DHX57: variants seen among roughly 807,000 people sequenced by gnomAD.
DHX57 encodes the protein DExH-box helicase 57.
A neutral mutation model predicts 156.2 loss-of-function variants in DHX57; 105 were observed. The ratio of observed to expected loss-of-function variants is 0.67; its 90% CI spans 0.57 to 0.79. The LOEUF (loss-of-function observed/expected upper bound fraction) is 0.79. Ranked by LOEUF, DHX57 falls within the 30% of genes least tolerant of loss-of-function variation. The pLI, the probability that DHX57 is intolerant of heterozygous loss-of-function variation, is 0.00. For missense variants in DHX57, 1,847 were observed against 1,661.9 expected (o/e 1.11, Z -1.94); for synonymous variants, 704 against 595.6 (o/e 1.18, Z -2.65).
intron 21 of DHX57, chr2:38,811,333 C>A (rs1670235185): frequency 7.6e-6 from 4 of 526,128 alleles, no homozygotes; most frequent in Middle Eastern, 5.7e-4. Flanking sequence ...CACTGTGGGA[C>A]ACATACTTTG....
At chr2:38,865,537 C>T (rs757855086) in intron 2 of DHX57, among the ~76,000 whole-genome samples, 5 of 152,120 alleles carry the variant, frequency 3.3e-5, no homozygotes, top group African/African-American at 7.2e-5. Flanking sequence ...CTTATAGCAG[C>T]GTGAGAATGG....
At chr2:38,864,245 TAA>T (rs146547256) in intron 2 of DHX57, among the ~76,000 whole-genome samples, 220 of 132,868 alleles carry the variant, frequency 1.7e-3, no homozygotes, top group Admixed American at 2.1e-3. Context: ...TTCTGATTAT[TAA>T]AAAAAAAAAA....
At chr2:38,867,575 T>C (rs575723550) in intron 2 of DHX57, among the ~76,000 whole-genome samples, 19 of 152,178 alleles carry the variant, frequency 1.2e-4, no homozygotes, top group Non-Finnish European at 2.6e-4. Flanking sequence ...TGTTTGTTTT[T>C]TGAGATGGAG....
chr2:38,858,461 T>G (rs1452348924), intron 6 of DHX57, among the ~76,000 whole-genome samples, 200 bp downstream of exon 6: 1 of 152,226 alleles, frequency 6.6e-6, no homozygotes, highest in Non-Finnish European at 1.5e-5. Flanking sequence ...TGTGTGTGTT[T>G]GCTATGTACC....
chr2:38,858,074 G>T (rs1350724448), intron 6 of DHX57, among the ~76,000 whole-genome samples: 1 of 151,978 alleles, frequency 6.6e-6, no homozygotes, highest in African/African-American at 2.4e-5. Context: ...GTTTTGTTTT[G>T]TTTTTGAGAC....
chr2:38,825,573 G>A (rs555250462), intron 16 of DHX57, among the ~76,000 whole-genome samples: 36 of 152,290 alleles, frequency 2.4e-4, no homozygotes, highest in Admixed American at 5.2e-4. Context: ...AAAGTGCTGG[G>A]ATTATAAGCA....
Position 38,854,148 on chromosome 2 carries a change from T to C in DHX57, c.1936A>G (p.Thr646Ala). 1.2e-6 allele frequency: 2 copies of C among 1,613,938 alleles called. No homozygotes were observed. The highest frequency in any genetic ancestry group is 1.7e-6 in the Non-Finnish European group (2 of 1,179,894). ...TCTAGCCTTCTCAGCAGCACTCCCG[T>C]GGTGCAGTATAACAGTCTGGTGGCT... ...SSATRLLYCTTGVLLRRLEGD... is the reference protein window; with the variant it reads ...SSATRLLYCTAGVLLRRLEGD... The change falls in exon 9 of 24, where the codon ACG becomes GCG. Residue 646 changes from threonine (T) to alanine (A), a missense_variant. Thr to Ala is a moderately conservative substitution (Grantham distance 58, BLOSUM62 0). Coordinates refer to ENST00000457308, the MANE Select transcript of DHX57 (RefSeq NM_198963.3).
intron 19 of DHX57, 111 bp from the exon 20 acceptor site, chr2:38,815,766 C>T (rs528512666): frequency 1.5e-6 from 2 of 1,334,308 alleles, no homozygotes; most frequent in African/African-American, 1.4e-5. Context: ...AGCAATGAGG[C>T]TCAAGTGGAT....
At position 38,843,132 on chromosome 2, in the gene DHX57, G is replaced by A; in HGVS notation, c.2298C>T (p.Asn766=). ...ISKEKLKARR[N]RTAFEEVEED... Reference sequence around the variant, plus strand: ...CTTCCACTTCTTCAAATGCAGTTCTGTTCCGCCTTGCTTTAAGCTTTTCCT... The same window carrying A: ...CTTCCACTTCTTCAAATGCAGTTCTATTCCGCCTTGCTTTAAGCTTTTCCT... Residue 766 remains asparagine (N), a synonymous_variant, in exon 12 of 24, where the codon AAC becomes AAT. Coordinates refer to ENST00000457308, the MANE Select transcript of DHX57 (RefSeq NM_198963.3). 2 of 1,614,194 alleles carry A rather than the reference G, an allele frequency of 1.2e-6. No individual in the cohort carries two copies. Among genetic ancestry groups the A allele is most frequent in the Non-Finnish European group, 1.7e-6 (2 of 1,180,028 alleles).
At chr2:38,814,814 C>T (rs1015205062) in intron 20 of DHX57, among the ~76,000 whole-genome samples, 1 of 152,060 alleles carries the variant, frequency 6.6e-6, no homozygotes, top group Non-Finnish European at 1.5e-5. Flanking sequence ...CTTCCACCTC[C>T]CGGGTTCAAG....
Position 38,819,081 on chromosome 2 carries a change from T to G in DHX57, c.3355A>C (p.Ser1119Arg). The G allele has an allele frequency of 6.2e-7, 1 of 1,614,228 alleles. No homozygotes were observed. Among genetic ancestry groups the G allele is most frequent in the Non-Finnish European group, 8.5e-7 (1 of 1,180,036 alleles). The change falls in exon 18 of 24, where the codon AGT becomes CGT. Residue 1119 changes from serine (S) to arginine (R), a missense_variant. Physicochemically the swap from Ser to Arg is moderately radical, Grantham distance 110 (BLOSUM62 -1). Transcript: ENST00000457308. ...QKKLEFAFAN[S>R]DYLALLQAYK... ...GCTTGTAGAAGGGCCAGATAATCAC[T>G]GTTTGCGAATGCAAATTCCAGCTTT... is the stretch of plus-strand genomic sequence containing the variant.
At chr2:38,854,348 G>T (rs1672768635) in intron 8 of DHX57, 170 bp from the exon 9 acceptor site, 1 of 531,576 alleles carries the variant, frequency 1.9e-6, no homozygotes, top group Middle Eastern at 5.3e-4. Context: ...AGTAATAAAA[G>T]CCTTTCTACT....
chr2:38,848,524 G>A (rs946612320), intron 9 of DHX57, 122 bp from the exon 10 acceptor site: 33 of 1,026,116 alleles, frequency 3.2e-5, no homozygotes, highest in African/African-American at 1.8e-4. Context: ...AACCATTAAC[G>A]TTCATAGAAC....
chr2:38,872,970 G>A (rs1558411860), intron 1 of DHX57, among the ~76,000 whole-genome samples: 1 of 151,990 alleles, frequency 6.6e-6, no homozygotes, highest in Admixed American at 6.6e-5. Flanking sequence ...ACCATACTAG[G>A]TGATAAAAGA....
chr2:38,873,739 T>G (rs1238879894), intron 1 of DHX57, among the ~76,000 whole-genome samples: 1 of 152,180 alleles, frequency 6.6e-6, no homozygotes, highest in African/African-American at 2.4e-5. Flanking sequence ...AAAGACAAAA[T>G]TTCTGCTTCA....
chr2:38,872,260 A>C (rs1665391760), intron 1 of DHX57, among the ~76,000 whole-genome samples: 1 of 152,272 alleles, frequency 6.6e-6, no homozygotes, highest in Non-Finnish European at 1.5e-5. Flanking sequence ...ATACTACATT[A>C]GAAAATATTC....
chr2:38,844,878 A>C (rs1005438763), intron 11 of DHX57, among the ~76,000 whole-genome samples: 1 of 152,168 alleles, frequency 6.6e-6, no homozygotes, highest in African/African-American at 2.4e-5. Flanking sequence ...AGGGAACTTA[A>C]ATATTGGCTG....
At chr2:38,818,807 CA>C (rs1256495527) in intron 19 of DHX57, 69 bp downstream of exon 19, 1 of 1,540,902 alleles carries the variant, frequency 6.5e-7, no homozygotes, top group Non-Finnish European at 8.9e-7. Context: ...ACACATGAGA[CA>C]AAGTCGCAGC....
intron 13 of DHX57, among the ~76,000 whole-genome samples, chr2:38,833,473 A>G (rs550434934): frequency 6.6e-6 from 1 of 152,210 alleles, no homozygotes; most frequent in South Asian, 2.1e-4. Flanking sequence ...GAGTAAGGGG[A>G]TTGGGGCAAG....
Sources: gnomAD v4.1 joint callset for allele counts (sites outside exome capture counted in the v4.1 genomes callset) on GRCh38, gnomAD v4.1.1 for gene constraint, MANE v1.5 for transcripts, NCBI Gene and HGNC (gene_info 2026-07-23, HGNC 2026-07-21) for gene names.